Variants in DNAH11 observed in about 807,000 individuals in gnomAD.
DNAH11 encodes the protein dynein axonemal heavy chain 11.
A neutral mutation model predicts 526.0 loss-of-function variants in DNAH11; 442 were observed. The ratio of observed to expected loss-of-function variants is 0.84; its 90% CI spans 0.78 to 0.91. The LOEUF is 0.91. Ranked by LOEUF, DNAH11 falls within the 40% of genes least tolerant of loss-of-function variation. DNAH11 has a pLI of 0.00. For missense variants in DNAH11, 6,989 were observed against 5,448.7 expected (o/e 1.28, Z -8.90); for synonymous variants, 2,461 against 1,935.9 (o/e 1.27, Z -7.12).
chr7:21,860,442 A>G (rs1408819796), intron 68 of DNAH11, among the ~76,000 whole-genome samples: 1 of 152,228 alleles, frequency 6.6e-6, no homozygotes, highest in Non-Finnish European at 1.5e-5. Context: ...TTCCACTTCT[A>G]GCTGTTTATT....
chr7:21,851,128 G>A (rs749488502), intron 66 of DNAH11: 19 of 157,918 alleles, frequency 1.2e-4, no homozygotes, highest in Admixed American at 1.8e-4. Flanking sequence ...CATAATCCCC[G>A]TATGTTGTGG....
Position 21,629,538 on chromosome 7 carries a change from A to G in DNAH11, c.4501-6333A>G, listed in dbSNP as rs6955932. On this transcript the variant is annotated intron_variant, in intron 25 of 81. Coordinates refer to ENST00000409508, the MANE Select transcript of DNAH11 (RefSeq NM_001277115.2). Reference sequence around the variant, plus strand: ...CTGTACTATCATTGTGTTGCAGCCTATCTTTCCCTTTATCCCTTTAGGTCT... The same window carrying G: ...CTGTACTATCATTGTGTTGCAGCCTGTCTTTCCCTTTATCCCTTTAGGTCT... Among the ~76,000 whole-genome samples the G allele has an allele frequency of 2.6e-3, 403 of 152,212 alleles. 2 individuals are homozygous for G. Among genetic ancestry groups the G allele is most frequent in the African/African-American group, 9.1e-3 (376 of 41,546 alleles).
chr7:21,824,480 T>A (rs979970705), intron 65 of DNAH11, among the ~76,000 whole-genome samples: 11 of 152,082 alleles, frequency 7.2e-5, no homozygotes, highest in Non-Finnish European at 1.0e-4. Flanking sequence ...AAATATGTAT[T>A]TAGTCAAGTT....
intron 63 of DNAH11, among the ~76,000 whole-genome samples, chr7:21,815,619 C>T (rs1340778940): frequency 6.6e-6 from 1 of 152,108 alleles, no homozygotes. Flanking sequence ...TCCATGTTAA[C>T]CACCCCACCA....
Position 21,741,962 on chromosome 7 carries a change from T to C in DNAH11, c.7950T>C (p.Ser2650=). 1 of 1,613,926 alleles carries C rather than the reference T, an allele frequency of 6.2e-7. No individual in the cohort carries two copies. The highest frequency in any genetic ancestry group is 8.5e-7 in the Non-Finnish European group (1 of 1,179,840). The change falls in exon 49 of 82, where the codon TCT becomes TCC. Residue 2650 remains serine (S), a synonymous_variant. Transcript: ENST00000409508. The part of the protein sequence containing the change: ...HFTVFAFNFP[S]LDALNTIYGQ... ...CAGTGTTTGCATTCAATTTTCCATC[T>C]TTGGATGCACTAAACACCATCTATG...
intron 10 of DNAH11, 51 bp downstream of exon 10, chr7:21,588,252 A>C: frequency 6.4e-7 from 1 of 1,566,044 alleles, no homozygotes; most frequent in East Asian, 2.3e-5. Context: ...TAGGCGGATA[A>C]TGACCATCAA....
At chr7:21,774,858 C>T (rs1787601848) in intron 56 of DNAH11, among the ~76,000 whole-genome samples, 1 of 152,096 alleles carries the variant, frequency 6.6e-6, no homozygotes, top group Non-Finnish European at 1.5e-5. Context: ...GAGAAGAATC[C>T]TCACTAGTGA....
chr7:21,778,229 G>A (rs1231477250), intron 56 of DNAH11, among the ~76,000 whole-genome samples: 4 of 152,198 alleles, frequency 2.6e-5, no homozygotes, highest in South Asian at 2.1e-4. Flanking sequence ...TGGATTCCTC[G>A]GAAGGCTGAG....
chr7:21,811,560 GC>G (rs375657256), intron 63 of DNAH11, among the ~76,000 whole-genome samples: 1 of 152,272 alleles, frequency 6.6e-6, no homozygotes, highest in African/African-American at 2.4e-5. Context: ...GTTACCAGGG[GC>G]TGGCAGAGGG....
intron 56 of DNAH11, among the ~76,000 whole-genome samples, chr7:21,778,366 G>A (rs981226078): frequency 7.9e-5 from 12 of 152,106 alleles, no homozygotes; most frequent in African/African-American, 2.7e-4. Flanking sequence ...TTCTTAGCAG[G>A]TATTAAGTTG....
At chr7:21,791,325 G>A (rs1456346595) in intron 61 of DNAH11, among the ~76,000 whole-genome samples, 1 of 152,132 alleles carries the variant, frequency 6.6e-6, no homozygotes, top group African/African-American at 2.4e-5. Flanking sequence ...TTTTCTTTAG[G>A]GAAGAATCTC....
chr7:21,728,591 G>A (rs1464352105), intron 45 of DNAH11, among the ~76,000 whole-genome samples: 1 of 151,982 alleles, frequency 6.6e-6, no homozygotes, highest in African/African-American at 2.4e-5. Context: ...ACCCATTCCA[G>A]TATCAACTCT....
chr7:21,715,376 G>A (rs1386851114), intron 42 of DNAH11, among the ~76,000 whole-genome samples: 15 of 152,162 alleles, frequency 9.9e-5, no homozygotes, highest in Admixed American at 7.2e-4. Flanking sequence ...CTGATAGGAG[G>A]ACTCATTTGC....
At position 21,864,634 on chromosome 7, in the gene DNAH11, T is replaced by C. The variant is rs1203135706; in HGVS notation, c.11473T>C (p.Ser3825Pro). 1 of 1,607,482 alleles carries C rather than the reference T, an allele frequency of 6.2e-7. No individual in the cohort carries two copies. Among genetic ancestry groups the C allele is most frequent in the African/African-American group, 1.3e-5 (1 of 74,852 alleles). Residue 3825 changes from serine (S) to proline (P), a missense_variant, in exon 70 of 82, where the codon TCT (serine) becomes CCT (proline). By Grantham distance (74) the Ser-to-Pro change is moderately conservative. Coordinates refer to ENST00000409508, the MANE Select transcript of DNAH11 (RefSeq NM_001277115.2). Reference protein sequence around the residue: ...THLSPVDFLTSQSWSAIKAIA... With the variant: ...THLSPVDFLTPQSWSAIKAIA... ...TCTGAGTCCCGTTGACTTCCTAACTTCTCAGTCATGGAGTGCTATCAAGGT... is the reference window on the plus strand; with the variant it reads ...TCTGAGTCCCGTTGACTTCCTAACTCCTCAGTCATGGAGTGCTATCAAGGT...
chr7:21,543,662 G>A, intron 1 of DNAH11, 66 bp downstream of exon 1: 1 of 1,496,678 alleles, frequency 6.7e-7, no homozygotes, highest in Non-Finnish European at 9.0e-7. Context: ...CAGCCCAGTC[G>A]CTCCCCTTTG....
chr7:21,714,575 T>C (rs1384920788), intron 42 of DNAH11, among the ~76,000 whole-genome samples: 1 of 152,208 alleles, frequency 6.6e-6, no homozygotes, highest in East Asian at 1.9e-4. Flanking sequence ...CCTTCTGAGA[T>C]AGACATAATT....
At chr7:21,873,934 C>G (rs1239772225) in intron 74 of DNAH11, among the ~76,000 whole-genome samples, 1 of 151,394 alleles carries the variant, frequency 6.6e-6, no homozygotes, top group South Asian at 2.1e-4. Flanking sequence ...GTGATTACAG[C>G]TGCATACCAC....
chr7:21,844,220 T>C (rs537296306), intron 66 of DNAH11, among the ~76,000 whole-genome samples: 1 of 152,220 alleles, frequency 6.6e-6, no homozygotes, highest in African/African-American at 2.4e-5. Flanking sequence ...TTGAGGCCAG[T>C]TTGAGACCAG....
intron 65 of DNAH11, among the ~76,000 whole-genome samples, chr7:21,819,660 T>A (rs1789969035): frequency 6.6e-6 from 1 of 152,190 alleles, no homozygotes; most frequent in Admixed American, 6.5e-5. Context: ...AATTTAGGTG[T>A]AAGCAATTTG....
Sources: gnomAD v4.1 joint callset for allele counts (sites outside exome capture counted in the v4.1 genomes callset) on GRCh38, gnomAD v4.1.1 for gene constraint, MANE v1.5 for transcripts, NCBI Gene and HGNC (gene_info 2026-07-23, HGNC 2026-07-21) for gene names.